The following XYLT1 variants were observed in gnomAD, a reference collection of about 807,000 sequenced individuals.
XYLT1 encodes the protein beta-D-xylosyltransferase 1.
Under a neutral mutation model 91.3 loss-of-function variants are expected in XYLT1, and 36 were observed. The observed-to-expected ratio is 0.39, with a 90% confidence interval of 0.30 to 0.52. The LOEUF is 0.52. XYLT1 is among the 20% of genes least tolerant of loss of function. The pLI is 0.68. For missense variants in XYLT1, 1,242 were observed against 1,284.5 expected (o/e 0.97, Z 0.51); for synonymous variants, 588 against 532.0 (o/e 1.11, Z -1.45).
At chr16:17,439,714 G>A (rs1338657694) in intron 1 of XYLT1, among the ~76,000 whole-genome samples, 1 of 152,190 alleles carries the variant, frequency 6.6e-6, no homozygotes, top group Non-Finnish European at 1.5e-5. Flanking sequence ...ACAAGTTTTA[G>A]AAAGGTGATA....
At chr16:17,296,400 T>TG (rs1173071304) in intron 2 of XYLT1, among the ~76,000 whole-genome samples, 4 of 152,170 alleles carry the variant, frequency 2.6e-5, no homozygotes, top group Non-Finnish European at 5.9e-5. Context: ...ATCCTAGCCC[T>TG]GCTCCTTCCA....
intron 2 of XYLT1, among the ~76,000 whole-genome samples, chr16:17,280,231 T>C (rs1485786425): frequency 1.3e-5 from 2 of 152,078 alleles, no homozygotes; most frequent in African/African-American, 4.8e-5. Flanking sequence ...GCACCTGTAA[T>C]CCCAGATACT....
At chr16:17,410,498 T>TATC (rs2036093768) in intron 1 of XYLT1, among the ~76,000 whole-genome samples, 1 of 152,086 alleles carries the variant, frequency 6.6e-6, no homozygotes, top group Non-Finnish European at 1.5e-5. Flanking sequence ...ACTCATTCAC[T>TATC]ATCACGAGAA....
chr16:17,172,872 C>T (rs535865285), intron 5 of XYLT1, among the ~76,000 whole-genome samples: 2 of 152,212 alleles, frequency 1.3e-5, no homozygotes, highest in East Asian at 3.9e-4. Context: ...ACATTTAAGC[C>T]CGGGTTTTAT....
rs561744812 is a variant in XYLT1 at position 17,347,632 on chromosome 16, G to A, written c.402+10380C>T. Among the ~76,000 whole-genome samples the A allele has an allele frequency of 3.3e-5, 5 of 152,242 alleles. No individual in the cohort carries two copies. The East Asian group carries it at 9.6e-4, about 29-fold the overall frequency. On this transcript the variant is annotated intron_variant, in intron 2 of 11. Transcript: ENST00000261381. ...TCACTGTCCCATGGTCTCCATTCTG[G>A]GACCTCTCCTCCACTGGAAGACCCT... is the stretch of plus-strand genomic sequence containing the variant.
intron 1 of XYLT1, among the ~76,000 whole-genome samples, chr16:17,370,385 G>A (rs1475756769): frequency 6.6e-6 from 1 of 152,200 alleles, no homozygotes; most frequent in Non-Finnish European, 1.5e-5. Context: ...GGGGACCCTC[G>A]CTCACATGCA....
At chr16:17,324,841 T>A (rs2034774802) in intron 2 of XYLT1, among the ~76,000 whole-genome samples, 1 of 152,182 alleles carries the variant, frequency 6.6e-6, no homozygotes, top group South Asian at 2.1e-4. Context: ...TTCGGAATAA[T>A]GATTTCACCG....
chr16:17,131,627 A>G (rs1033288831), intron 9 of XYLT1, among the ~76,000 whole-genome samples: 1 of 152,214 alleles, frequency 6.6e-6, no homozygotes, highest in Non-Finnish European at 1.5e-5. Flanking sequence ...ATTATATGCA[A>G]ACTTTACTCT....
At chr16:17,463,529 T>G (rs540790196) in intron 1 of XYLT1, among the ~76,000 whole-genome samples, 2 of 152,302 alleles carry the variant, frequency 1.3e-5, no homozygotes, top group African/African-American at 4.8e-5. Flanking sequence ...AGATATCATC[T>G]CACCCCACCT....
At chr16:17,185,092 A>G (rs1250543757) in intron 5 of XYLT1, among the ~76,000 whole-genome samples, 1 of 152,136 alleles carries the variant, frequency 6.6e-6, no homozygotes. Flanking sequence ...CTGTTTGTCC[A>G]GCCGATGGTC....
At chr16:17,319,300 T>C (rs2034682410) in intron 2 of XYLT1, among the ~76,000 whole-genome samples, 1 of 152,188 alleles carries the variant, frequency 6.6e-6, no homozygotes, top group South Asian at 2.1e-4. Context: ...GCCTACCATG[T>C]TCAAGGTGCA....
chr16:17,297,227 C>A (rs917031171), intron 2 of XYLT1, among the ~76,000 whole-genome samples: 43 of 152,280 alleles, frequency 2.8e-4, no homozygotes, highest in African/African-American at 9.6e-4. Context: ...CCACCCAACA[C>A]AGAGCACTTT....
At chr16:17,467,380 A>G (rs1457118326) in intron 1 of XYLT1, among the ~76,000 whole-genome samples, 1 of 152,180 alleles carries the variant, frequency 6.6e-6, no homozygotes, top group African/African-American at 2.4e-5. Flanking sequence ...CAGTTCTCCC[A>G]ATATTTTTCC....
At chr16:17,221,189 CTA>C (rs1436682667) in intron 3 of XYLT1, among the ~76,000 whole-genome samples, 1 of 152,134 alleles carries the variant, frequency 6.6e-6, no homozygotes, top group African/African-American at 2.4e-5. Context: ...GAACCATGTC[CTA>C]TAGTCAATAA....
In XYLT1 at chr16:17,312,092, G is replaced by A. The variant is rs2034560814; in HGVS notation, c.402+45920C>T. ...TGAGGCCCAGAAAGGCCTTCTAGAAGAGTCAAGGTGTGAGCTGGAGGATGA... is the reference window on the plus strand; with the variant it reads ...TGAGGCCCAGAAAGGCCTTCTAGAAAAGTCAAGGTGTGAGCTGGAGGATGA... On this transcript the variant is annotated intron_variant, in intron 2 of 11. Transcript: ENST00000261381. The surrounding 1 kb of genome is among the most constrained non-coding windows in gnomAD (Gnocchi z 4.4). Among the ~76,000 whole-genome samples, 1 of 152,202 alleles carries A rather than the reference G, an allele frequency of 6.6e-6. No individual in the cohort carries two copies. The highest frequency in any genetic ancestry group is 1.5e-5 in the Non-Finnish European group (1 of 68,024).
intron 2 of XYLT1, among the ~76,000 whole-genome samples, chr16:17,356,902 C>T (rs532549588): frequency 7.2e-5 from 11 of 152,150 alleles, no homozygotes; most frequent in African/African-American, 1.9e-4. Flanking sequence ...ACTTGCCGGA[C>T]GCAGTGGCTC....
intron 2 of XYLT1, among the ~76,000 whole-genome samples, chr16:17,331,846 G>C (rs1364378365): frequency 6.6e-6 from 1 of 152,168 alleles, no homozygotes; most frequent in Non-Finnish European, 1.5e-5. Flanking sequence ...AAAGCCAAGA[G>C]CATCTCATAT....
chr16:17,259,280 T>G lies in XYLT1; in HGVS notation c.621A>C (p.Thr207=). 6.2e-7 allele frequency: 1 copy of G among 1,614,084 alleles called. No homozygotes were observed. Among genetic ancestry groups the G allele is most frequent in the Non-Finnish European group, 8.5e-7 (1 of 1,180,018 alleles). ...LEQQEKGKGH[T]FPGKGPGEVL... is the part of the protein sequence containing the mutation. ...CCTCACCGGGGCCTTTCCCAGGGAA[T>G]GTATGTCCTTTTCCTTTCTCCTGCT... The change falls in exon 3 of 12, where the codon ACA becomes ACC. Residue 207 remains threonine (T), a synonymous_variant. Transcript: ENST00000261381.
chr16:17,151,163 C>T (rs767295037), intron 6 of XYLT1, among the ~76,000 whole-genome samples: 2 of 152,186 alleles, frequency 1.3e-5, no homozygotes, highest in African/African-American at 2.4e-5. Flanking sequence ...TGGTGGCTCA[C>T]GCCTGTAATC....
Sources: allele counts gnomAD v4.1 joint callset (sites outside exome capture counted in the v4.1 genomes callset), GRCh38; gene constraint gnomAD v4.1.1; non-coding constraint Gnocchi (gnomAD v3.1); transcripts MANE v1.5; gene names NCBI Gene and HGNC (gene_info 2026-07-23, HGNC 2026-07-21).